The following LGR5 variants were observed in gnomAD, a reference collection of about 807,000 sequenced individuals.
LGR5 encodes leucine-rich repeat-containing G protein-coupled receptor 5.
LGR5 carries 54 observed loss-of-function variants against 76.7 expected under a neutral mutation model. The ratio of observed to expected loss-of-function variants is 0.70; its 90% CI spans 0.57 to 0.88. The LOEUF (loss-of-function observed/expected upper bound fraction) is 0.88, where lower values mean the gene tolerates loss of function less well. LGR5 is among the 40% of genes least tolerant of loss of function. LGR5 has a pLI of 0.00. For missense variants in LGR5, 1,078 were observed against 1,073.3 expected (o/e 1.00, Z -0.06); for synonymous variants, 406 against 421.9 (o/e 0.96, Z 0.46).
chr12:71,542,136 A>G (rs1876910214), intron 4 of LGR5, among the ~76,000 whole-genome samples: 1 of 152,214 alleles, frequency 6.6e-6, no homozygotes, highest in Non-Finnish European at 1.5e-5. Flanking sequence ...CTCACTACCT[A>G]TGAGGTAGAA....
intron 6 of LGR5, among the ~76,000 whole-genome samples, chr12:71,557,899 C>G (rs1004323044): frequency 3.9e-5 from 6 of 152,170 alleles, no homozygotes; most frequent in Admixed American, 6.5e-5. Flanking sequence ...GACCAAAGAC[C>G]ACTTCTCCTG....
intron 1 of LGR5, among the ~76,000 whole-genome samples, chr12:71,484,269 T>C (rs12824829): frequency 0.09 from 13,632 of 152,274 alleles, 656 homozygotes; most frequent in Non-Finnish European, 0.11. Context: ...ATTTTAATAA[T>C]GGTACAGTCC....
chr12:71,440,776 A>G lies in LGR5; in HGVS notation c.212+484A>G, dbSNP rs1413137704. Among the ~76,000 whole-genome samples, 1 of 152,192 alleles carries G rather than the reference A, an allele frequency of 6.6e-6. No homozygotes were observed. Among genetic ancestry groups the G allele is most frequent in the African/African-American group, 2.4e-5 (1 of 41,456 alleles). ...CAGCTCCAAAGGGTTTTTAGTCTGC[A>G]TCCCTTGCACTGTGACGTGATGTAA... is the stretch of plus-strand genomic sequence containing the variant. On this transcript the variant is annotated intron_variant, in intron 1 of 17. Coordinates refer to ENST00000266674, the MANE Select transcript of LGR5 (RefSeq NM_003667.4). The surrounding 1 kb of genome is among the most constrained non-coding windows in gnomAD (Gnocchi z 5.3).
At chr12:71,538,192 C>G (rs917001933) in intron 4 of LGR5, among the ~76,000 whole-genome samples, 2 of 152,094 alleles carry the variant, frequency 1.3e-5, no homozygotes, top group Non-Finnish European at 2.9e-5. Context: ...AGACCCAAAG[C>G]CTAGACTGCA....
intron 15 of LGR5, among the ~76,000 whole-genome samples, chr12:71,579,403 A>G (rs1777206877): frequency 6.6e-6 from 1 of 152,248 alleles, no homozygotes; most frequent in African/African-American, 2.4e-5. Context: ...AACCCACGGT[A>G]GTTTTTACAT....
intron 8 of LGR5, among the ~76,000 whole-genome samples, chr12:71,565,474 T>TATATATATATATAACACATAC (rs1565762802): frequency 2.5e-4 from 1 of 4,004 alleles, no homozygotes; most frequent in Admixed American, 0.019. Flanking sequence ...TACATATACA[T>TATATATATATATAACACATAC]ATATATATAT....
intron 11 of LGR5, chr12:71,571,140 A>C (rs115136487): frequency 5.7e-4 from 88 of 155,734 alleles, no homozygotes; most frequent in African/African-American, 1.8e-3. Flanking sequence ...AAAAGAAACA[A>C]CAATGATTTG....
intron 2 of LGR5, among the ~76,000 whole-genome samples, chr12:71,508,753 A>C (rs1016044849): frequency 3.7e-5 from 3 of 80,418 alleles, no homozygotes; most frequent in Non-Finnish European, 7.7e-5. Flanking sequence ...ACTCAGTCTC[A>C]AAAAAAAAAA....
At chr12:71,473,555 C>G (rs1465127362) in intron 1 of LGR5, among the ~76,000 whole-genome samples, 1 of 151,888 alleles carries the variant, frequency 6.6e-6, no homozygotes, top group Non-Finnish European at 1.5e-5. Context: ...GGGAGGATCC[C>G]TTGAACTCGG....
At chr12:71,551,088 A>G (rs1286997687) in intron 4 of LGR5, among the ~76,000 whole-genome samples, 1 of 152,220 alleles carries the variant, frequency 6.6e-6, no homozygotes, top group Non-Finnish European at 1.5e-5. Flanking sequence ...GCTGACAATG[A>G]TAGTTGTTCT....
chr12:71,582,665 C>A, intron 17 of LGR5, 126 bp downstream of exon 17: 1 of 653,052 alleles, frequency 1.5e-6, no homozygotes, highest in Non-Finnish European at 2.7e-6. Flanking sequence ...AGTAACCCTC[C>A]CCATAGTGGC....
Position 71,556,666 on chromosome 12 carries a change from A to C in LGR5, c.692A>C (p.Asp231Ala), listed in dbSNP as rs747671252. 1.6e-5 allele frequency: 26 copies of C among 1,612,098 alleles called. No homozygotes were observed. Among genetic ancestry groups the C allele is most frequent in the Non-Finnish European group, 2.2e-5 (26 of 1,178,244 alleles). Residue 231 changes from aspartate to alanine, a missense_variant, in exon 6 of 18, where the codon GAT becomes GCT. By Grantham distance (126) the Asp-to-Ala change is moderately radical (BLOSUM62 -2). Transcript: ENST00000266674. ...RIHSLGKKCF[D>A]GLHSLETLDL... is the part of the protein sequence containing the mutation. ...CACTCCCTGGGAAAGAAATGCTTTG[A>C]TGGGCTCCACAGCCTAGAGACTTTG...
At chr12:71,490,979 G>A (rs1874042797) in intron 1 of LGR5, among the ~76,000 whole-genome samples, 1 of 152,110 alleles carries the variant, frequency 6.6e-6, no homozygotes, top group African/African-American at 2.4e-5. Context: ...CCTGGTGGGA[G>A]GTAATTGAAT....
At chr12:71,561,436 A>G (rs2137430344) in intron 7 of LGR5, among the ~76,000 whole-genome samples, 1 of 152,354 alleles carries the variant, frequency 6.6e-6, no homozygotes, top group East Asian at 1.9e-4. Flanking sequence ...AGTAGGAGTG[A>G]TCATAATCTC....
intron 11 of LGR5, among the ~76,000 whole-genome samples, chr12:71,570,846 T>G (rs1400189712): frequency 6.6e-6 from 1 of 152,218 alleles, no homozygotes; most frequent in Non-Finnish European, 1.5e-5. Flanking sequence ...GTTAGTTGAT[T>G]AGCTGATAAC....
At chr12:71,442,871 T>C (rs1333719821) in intron 1 of LGR5, among the ~76,000 whole-genome samples, 1 of 152,158 alleles carries the variant, frequency 6.6e-6, no homozygotes, top group Non-Finnish European at 1.5e-5. Context: ...AATAAATGAG[T>C]ATGTGTTCTA....
chr12:71,441,957 C>T (rs1300719012), intron 1 of LGR5: 2 of 152,186 alleles, frequency 1.3e-5, no homozygotes, highest in East Asian at 3.9e-4. Context: ...GCAAGGATCC[C>T]GCGCTCTCCA....
chr12:71,532,972 C>T (rs751102695), intron 3 of LGR5, among the ~76,000 whole-genome samples: 70 of 152,084 alleles, frequency 4.6e-4, no homozygotes, highest in Non-Finnish European at 9.1e-4. Context: ...CGGGAGGATC[C>T]CTTGAGCTCA....
rs545611715 is a variant in LGR5 at position 71,585,183 on chromosome 12, T to C, written c.*449T>C. The C allele has an allele frequency of 1.2e-5, 2 of 160,216 alleles. No homozygotes were observed. The highest frequency in any genetic ancestry group is 3.6e-4 in the East Asian group (2 of 5,528). 9.9% of individuals were successfully genotyped at this position (160,216 alleles called of 1,614,324 possible). A position where few individuals can be genotyped will look rare whatever the true frequency, so the allele number is the denominator to read the frequency against. ...GTTTTCAATGACCTACATTGCTAGG[T>C]AGAGGCTGTGATCCATGGGATTTCA... On this transcript the variant is annotated 3_prime_UTR_variant, in exon 18 of 18. Transcript: ENST00000266674.
Sources: allele counts gnomAD v4.1 joint callset (sites outside exome capture counted in the v4.1 genomes callset), GRCh38; gene constraint gnomAD v4.1.1; non-coding constraint Gnocchi (gnomAD v3.1); transcripts MANE v1.5; gene names NCBI Gene and HGNC (gene_info 2026-07-23, HGNC 2026-07-21).